The following MYO9B variants were observed in gnomAD, a reference collection of about 807,000 sequenced individuals.
The protein encoded by MYO9B is unconventional myosin-IXb.
In MYO9B, 71 loss-of-function variants were observed where a neutral mutation model predicts 229.5. That is an observed-to-expected ratio of 0.31 (90% CI 0.26 to 0.38). The LOEUF is 0.38. Among genes scored for constraint, MYO9B ranks in the 10% least tolerant of loss-of-function variants. The pLI is 1.00. For synonymous variants in MYO9B, 1,185 were observed against 1,235.8 expected (o/e 0.96, Z 0.86); for missense variants, 2,255 against 2,920.5 (o/e 0.77, Z 5.25).
chr19:17,140,118 A>T (rs2072319917), intron 2 of MYO9B, among the ~76,000 whole-genome samples: 1 of 152,150 alleles, frequency 6.6e-6, no homozygotes, highest in African/African-American at 2.4e-5. Flanking sequence ...ACATAGAAGC[A>T]GTACAGTAAG....
At chr19:17,091,870 C>A (rs79031496) in intron 1 of MYO9B, among the ~76,000 whole-genome samples, 1 of 152,176 alleles carries the variant, frequency 6.6e-6, no homozygotes, top group Non-Finnish European at 1.5e-5. Flanking sequence ...GTCCTGTGAC[C>A]GTCCCCTTCA....
intron 2 of MYO9B, among the ~76,000 whole-genome samples, chr19:17,133,231 C>T (rs962053765): frequency 2.0e-5 from 3 of 152,132 alleles, no homozygotes; most frequent in African/African-American, 7.2e-5. Context: ...TGGAAAGGGT[C>T]AATGGAGCTA....
At chr19:17,194,039 G>T (rs1342691689) in intron 21 of MYO9B, among the ~76,000 whole-genome samples, 2 of 152,082 alleles carry the variant, frequency 1.3e-5, no homozygotes, top group Non-Finnish European at 1.5e-5. Flanking sequence ...GGGCTTGGTG[G>T]TGCATGTCTA....
chr19:17,093,686 CGGGG>C, intron 1 of MYO9B, among the ~76,000 whole-genome samples: 1 of 98,700 alleles, frequency 1.0e-5, no homozygotes, highest in South Asian at 2.9e-4. Context: ...AGTTTTTTTG[CGGGG>C]GGTGGGGGGG....
intron 1 of MYO9B, among the ~76,000 whole-genome samples, chr19:17,096,881 A>G (rs1171908712): frequency 3.5e-5 from 5 of 144,114 alleles, no homozygotes; most frequent in Non-Finnish European, 7.6e-5. Context: ...AATTTTTTGT[A>G]TTTTTAGTAG....
intron 10 of MYO9B, among the ~76,000 whole-genome samples, chr19:17,165,070 A>G (rs914154547): frequency 6.6e-6 from 1 of 151,984 alleles, no homozygotes; most frequent in East Asian, 1.9e-4. Flanking sequence ...GGGTCTTGCT[A>G]TGTTGCCCAG....
chr19:17,124,156 T>C (rs372499706), intron 2 of MYO9B, among the ~76,000 whole-genome samples: 1 of 152,124 alleles, frequency 6.6e-6, no homozygotes, highest in South Asian at 2.1e-4. Flanking sequence ...CCCAAAGTGC[T>C]AGGATTACTG....
chr19:17,153,454 A>G (rs2072502607), intron 4 of MYO9B, among the ~76,000 whole-genome samples: 1 of 151,468 alleles, frequency 6.6e-6, no homozygotes, highest in South Asian at 2.1e-4. Flanking sequence ...TGGGAGGCCT[A>G]AGAGGCAGGA....
chr19:17,172,601 C>G lies in MYO9B; in HGVS notation c.1935+124C>G. 1 of 1,459,286 alleles carries G rather than the reference C, an allele frequency of 6.9e-7. No individual in the cohort carries two copies. The highest frequency in any genetic ancestry group is 1.3e-5 in the South Asian group (1 of 78,304). The allele number at this position is 1,459,286 out of a possible 1,614,324, so 90.4% of individuals were successfully genotyped here. ...GTGCTCAGAACCCACCGCGAATCCC[C>G]GGCTCCAATGTCCAAGGCGCCATAG... is the stretch of plus-strand genomic sequence containing the variant. On this transcript the variant is annotated intron_variant, in intron 12 of 39. Transcript: ENST00000682292. The surrounding 1 kb of genome is among the most constrained non-coding windows in gnomAD (Gnocchi z 8.2).
chr19:17,117,606 G>C (rs547901857), intron 2 of MYO9B, among the ~76,000 whole-genome samples: 1 of 152,328 alleles, frequency 6.6e-6, no homozygotes, highest in Admixed American at 6.5e-5. Flanking sequence ...CTTTAAGGGA[G>C]AGTGAATTAC....
intron 2 of MYO9B, among the ~76,000 whole-genome samples, chr19:17,108,399 C>T (rs927227088): frequency 1.3e-5 from 2 of 152,148 alleles, no homozygotes; most frequent in Non-Finnish European, 2.9e-5. Context: ...CATTCAGGGC[C>T]GGATCGTTCT....
chr19:17,145,015 G>A (rs932058711), intron 2 of MYO9B, among the ~76,000 whole-genome samples: 1 of 151,068 alleles, frequency 6.6e-6, no homozygotes, highest in African/African-American at 2.4e-5. Flanking sequence ...TAGAGACTGG[G>A]CACAGTGACT....
chr19:17,197,851 A>G lies in MYO9B; in HGVS notation c.4106A>G (p.Lys1369Arg), dbSNP rs1429331895. The G allele has an allele frequency of 6.2e-7, 1 of 1,613,294 alleles. No homozygotes were observed. The highest frequency in any genetic ancestry group is 8.5e-7 in the Non-Finnish European group (1 of 1,179,878). The change falls in exon 23 of 40, where the codon AAG (lysine) becomes AGG (arginine). Residue 1369 changes from lysine (K) to arginine (R), a missense_variant. Physicochemically the swap from Lys to Arg is conservative, Grantham distance 26. Around this residue, in one of 7 missense-constraint regions of MYO9B, gnomAD observed 679 missense variants for 770.2 expected, o/e 0.88. Transcript: ENST00000682292. Reference sequence around the variant, plus strand: ...TCCAAGCTCCTCCCGTCCCTGGCCAAGGCTCAGGTAACAACAACACGGCAA... The same window carrying G: ...TCCAAGCTCCTCCCGTCCCTGGCCAGGGCTCAGGTAACAACAACACGGCAA... ...DVSKLLPSLA[K>R]AQPAAETTDG...
rs1432117947 is a variant in MYO9B, at chr19:17,129,361, C to T, written c.841-16036C>T. Among the ~76,000 whole-genome samples the T allele has an allele frequency of 2.0e-5, 3 of 152,176 alleles. No individual in the cohort carries two copies. In the South Asian group the frequency reaches 6.2e-4, roughly 31 times the overall value. On this transcript the variant is annotated intron_variant, in intron 2 of 39. Coordinates refer to ENST00000682292, the MANE Select transcript of MYO9B (RefSeq NM_004145.4). ...AGGCTGCAGTGAGCCAAGATCGTGC[C>T]ACTGCACTCCAGCTTGGGCGACAGA...
chr19:17,114,182 A>G (rs566378009), intron 2 of MYO9B, among the ~76,000 whole-genome samples: 7 of 152,298 alleles, frequency 4.6e-5, no homozygotes, highest in African/African-American at 1.4e-4. Context: ...GTATGACAAG[A>G]TAGATTTCAT....
intron 3 of MYO9B, among the ~76,000 whole-genome samples, chr19:17,148,725 A>G (rs2072443791): frequency 6.6e-6 from 1 of 152,198 alleles, no homozygotes; most frequent in Admixed American, 6.5e-5. Context: ...CTGGGATTAT[A>G]GGAATATGCC....
chr19:17,088,879 G>A (rs936517417), intron 1 of MYO9B, among the ~76,000 whole-genome samples: 1 of 151,750 alleles, frequency 6.6e-6, no homozygotes. Flanking sequence ...TTGTAGAATT[G>A]GGGGGTCTTT....
chr19:17,192,365 C>T (rs1020251966), intron 20 of MYO9B, among the ~76,000 whole-genome samples: 8 of 150,868 alleles, frequency 5.3e-5, no homozygotes, highest in African/African-American at 1.7e-4. Flanking sequence ...GAGGCCAAGG[C>T]GGGCAGATCA....
At chr19:17,203,357 G>C (rs963861210) in intron 30 of MYO9B, 99 bp downstream of exon 30, 16 of 865,018 alleles carry the variant, frequency 1.8e-5, no homozygotes, top group African/African-American at 3.4e-5. Flanking sequence ...GCTCACACCT[G>C]TAATCCCAGC....
Sources: allele counts gnomAD v4.1 joint callset (sites outside exome capture counted in the v4.1 genomes callset), GRCh38; gene constraint gnomAD v4.1.1; regional missense constraint gnomAD v4.1.1; non-coding constraint Gnocchi (gnomAD v3.1); transcripts MANE v1.5; gene names NCBI Gene and HGNC (gene_info 2026-07-23, HGNC 2026-07-21).